Variants in ABTB3 observed in about 807,000 individuals in gnomAD.
ABTB3 encodes ankyrin repeat and BTB domain containing 3.
At chr12:107,527,244 C>T in the ABTB3 span, among the ~76,000 whole-genome samples, 1 of 151,888 alleles carries the variant, frequency 6.6e-6, no homozygotes, top group Non-Finnish European at 1.5e-5. Flanking sequence ...GACTGTAAAT[C>T]CCACCAGAGC....
the ABTB3 span, among the ~76,000 whole-genome samples, chr12:107,414,429 G>A: frequency 6.6e-6 from 1 of 151,984 alleles, no homozygotes; most frequent in African/African-American, 2.4e-5. Flanking sequence ...CATTACTGAT[G>A]TCTAAATTTT....
the ABTB3 span, chr12:107,617,512 A>G: frequency 6.4e-7 from 1 of 1,555,716 alleles, no homozygotes; most frequent in Non-Finnish European, 8.7e-7. Context: ...CCTACCCCAG[A>G]CCCATTGTCT....
At chr12:107,508,089 T>C in the ABTB3 span, among the ~76,000 whole-genome samples, 1 of 151,788 alleles carries the variant, frequency 6.6e-6, no homozygotes, top group African/African-American at 2.4e-5. Context: ...GATGGATGGA[T>C]GGATGGATGG....
the ABTB3 span, among the ~76,000 whole-genome samples, chr12:107,637,784 TTTTGTGTGTG>T: frequency 1.1e-5 from 1 of 94,726 alleles, no homozygotes; most frequent in Non-Finnish European, 2.0e-5. Context: ...AGAGCACTGA[TTTTGTGTGTG>T]TGTGTGTGTG....
the ABTB3 span, among the ~76,000 whole-genome samples, chr12:107,401,976 A>G: frequency 6.7e-6 from 1 of 148,752 alleles, no homozygotes; most frequent in African/African-American, 2.5e-5. Flanking sequence ...CCCTCCTCAG[A>G]AGCCTCCCTG....
At chr12:107,332,910 T>C in the ABTB3 span, among the ~76,000 whole-genome samples, 1 of 151,884 alleles carries the variant, frequency 6.6e-6, no homozygotes, top group African/African-American at 2.4e-5. Flanking sequence ...CAATTCTTTA[T>C]GTGGTAGATG....
the ABTB3 span, among the ~76,000 whole-genome samples, chr12:107,560,411 A>G: frequency 4.1e-3 from 628 of 152,202 alleles, 5 homozygotes; most frequent in African/African-American, 0.014. Context: ...ACCCACCCCA[A>G]TCCCAGCTGT....
the ABTB3 span, chr12:107,617,213 G>A: frequency 1.2e-6 from 2 of 1,613,856 alleles, no homozygotes; most frequent in Non-Finnish European, 1.7e-6. Flanking sequence ...CCCTGGCCAG[G>A]GAGCTCCAGT....
At chr12:107,459,428 T>C in the ABTB3 span, among the ~76,000 whole-genome samples, 4 of 152,214 alleles carry the variant, frequency 2.6e-5, no homozygotes, top group East Asian at 1.9e-4. Flanking sequence ...TCCCTGCTCT[T>C]GCGGACCTTA....
chr12:107,389,846 TTGTGTGTGTGTG>T, the ABTB3 span, among the ~76,000 whole-genome samples: 72 of 141,562 alleles, frequency 5.1e-4, no homozygotes, highest in Non-Finnish European at 7.2e-4. Flanking sequence ...GTGTGTGTGT[TTGTGTGTGTGTG>T]TGTGTGTGTG....
At chr12:107,618,030 C>A in the ABTB3 span, 1 of 794,690 alleles carries the variant, frequency 1.3e-6, no homozygotes, top group Non-Finnish European at 2.0e-6. Context: ...CTGAAAGTGC[C>A]ACCCATTGAT....
At chr12:107,632,486 C>G in the ABTB3 span, among the ~76,000 whole-genome samples, 5 of 152,182 alleles carry the variant, frequency 3.3e-5, no homozygotes, top group African/African-American at 2.4e-5. Context: ...GTACTTACCA[C>G]GTGTCCACTA....
At chr12:107,657,614 A>G in the ABTB3 span, 1 of 1,614,214 alleles carries the variant, frequency 6.2e-7, no homozygotes, top group Non-Finnish European at 8.5e-7. Flanking sequence ...GTATGACAAA[A>G]ATGGTGAAGG....
chr12:107,572,568 C>G, the ABTB3 span, among the ~76,000 whole-genome samples: 2 of 152,084 alleles, frequency 1.3e-5, no homozygotes, highest in Non-Finnish European at 2.9e-5. Flanking sequence ...CCAGGAGGAC[C>G]ATGAATTCTT....
the ABTB3 span, among the ~76,000 whole-genome samples, chr12:107,600,642 A>G: frequency 1.3e-5 from 2 of 152,308 alleles, no homozygotes; most frequent in South Asian, 4.1e-4. Context: ...GGCTTCAGGA[A>G]TCTTCCATAT....
the ABTB3 span, among the ~76,000 whole-genome samples, chr12:107,453,147 G>A: frequency 6.6e-6 from 1 of 152,304 alleles, no homozygotes; most frequent in Non-Finnish European, 1.5e-5. Flanking sequence ...ACCAAGGGGA[G>A]GCCAGGCTGG....
chr12:107,385,534 G>A, the ABTB3 span, among the ~76,000 whole-genome samples: 8 of 152,202 alleles, frequency 5.3e-5, no homozygotes, highest in African/African-American at 1.9e-4. Context: ...AGGGTTGGGG[G>A]TGGCCTGTCC....
chr12:107,518,325 G>T, the ABTB3 span, among the ~76,000 whole-genome samples: 1 of 151,984 alleles, frequency 6.6e-6, no homozygotes, highest in Non-Finnish European at 1.5e-5. Context: ...TGTTTATTGC[G>T]GCACTATTCA....
chr12:107,545,838 C>G, the ABTB3 span, among the ~76,000 whole-genome samples: 1 of 152,184 alleles, frequency 6.6e-6, no homozygotes, highest in Admixed American at 6.5e-5. Flanking sequence ...GAGTGTCTAG[C>G]TCTTCACTCC....
Sources: allele counts gnomAD v4.1 joint callset (sites outside exome capture counted in the v4.1 genomes callset), GRCh38; gene constraint gnomAD v4.1.1; transcripts MANE v1.5; gene names NCBI Gene and HGNC (gene_info 2026-07-23, HGNC 2026-07-21).